AFAP1: variants seen among roughly 807,000 people sequenced by gnomAD.
The protein encoded by AFAP1 is actin filament associated protein 1, also known as actin filament-associated protein 1.
In AFAP1, 75 loss-of-function variants were observed where a neutral mutation model predicts 93.9. The ratio of observed to expected loss-of-function variants is 0.80; its 90% confidence interval spans 0.66 to 0.97. The LOEUF is 0.97. Among genes scored for constraint, AFAP1 ranks in the 50% least tolerant of loss-of-function variants. The pLI is 0.00. For synonymous variants in AFAP1, 517 were observed against 430.7 expected (o/e 1.20, Z -2.48); for missense variants, 1,201 against 1,050.8 (o/e 1.14, Z -1.98).
At chr4:7,799,610 C>T (rs1320154441) in intron 10 of AFAP1, among the ~76,000 whole-genome samples, 1 of 152,022 alleles carries the variant, frequency 6.6e-6, no homozygotes, top group African/African-American at 2.4e-5. Context: ...GACCATCTGG[C>T]GTGTGAATGC....
chr4:7,765,641 G>C (rs946466865), intron 17 of AFAP1, among the ~76,000 whole-genome samples: 1 of 152,228 alleles, frequency 6.6e-6, no homozygotes, highest in East Asian at 1.9e-4. Context: ...AGAAAGAGGA[G>C]GCAAAAGAGC....
chr4:7,929,952 A>G lies in AFAP1; in HGVS notation c.-3+9704T>C, dbSNP rs539082600. Among the ~76,000 whole-genome samples, 30 of 152,284 alleles carry G rather than the reference A, an allele frequency of 2.0e-4. No homozygotes were observed. The South Asian group carries it at 2.7e-3, about 14-fold the overall frequency. ...CCTAGACACACCAAAAATCCTAACA[A>G]ATAAAGAGGCCATGTATGCAGCATG... On this transcript the variant is annotated intron_variant, in intron 1 of 17. Transcript: ENST00000420658.
intron 1 of AFAP1, among the ~76,000 whole-genome samples, chr4:7,920,805 T>G (rs1720399114): frequency 6.6e-6 from 1 of 152,178 alleles, no homozygotes; most frequent in Admixed American, 6.5e-5. Flanking sequence ...GTATATTGTT[T>G]CATAATCTAA....
intron 1 of AFAP1, among the ~76,000 whole-genome samples, chr4:7,899,372 G>A (rs1051171657): frequency 6.6e-6 from 1 of 152,146 alleles, no homozygotes; most frequent in East Asian, 1.9e-4. Flanking sequence ...AACAGTGGCT[G>A]GGTGAATGAC....
chr4:7,770,353 C>T (rs1343572261), intron 16 of AFAP1, among the ~76,000 whole-genome samples: 3 of 152,066 alleles, frequency 2.0e-5, no homozygotes, highest in Admixed American at 6.5e-5. Flanking sequence ...GCACCGGAAC[C>T]GGGGAGTGAG....
At position 7,815,965 on chromosome 4, in the gene AFAP1, GTTT is replaced by G. The variant is rs946880348; in HGVS notation, c.904+50_904+52del. On this transcript the variant is annotated intron_variant, in intron 8 of 17. Coordinates refer to ENST00000420658, the MANE Select transcript of AFAP1 (RefSeq NM_001134647.2). The stretch of plus-strand genomic sequence containing the variant: ...TTTACAAACCTGGCTGTAGATTTTT[GTTT>G]TTGTTTTTTTTTTTAGTGTATATAT... 8.6e-5 allele frequency: 128 copies of G among 1,485,942 alleles called. No individual in the cohort carries two copies. The African/African-American group carries it at 1.3e-3, about 16-fold the overall frequency. 92.0% of individuals were successfully genotyped at this position (1,485,942 alleles called of 1,614,324 possible). A position where few individuals can be genotyped will look rare whatever the true frequency, so the allele number is the denominator to read the frequency against.
At chr4:7,879,843 T>G (rs1376588656) in intron 1 of AFAP1, among the ~76,000 whole-genome samples, 2 of 151,926 alleles carry the variant, frequency 1.3e-5, no homozygotes, top group East Asian at 3.9e-4. Context: ...TTTTTTAAAT[T>G]TTTTGAAGAG....
intron 1 of AFAP1, among the ~76,000 whole-genome samples, chr4:7,889,704 T>TTTA (rs1553852349): frequency 1.4e-4 from 20 of 144,670 alleles, no homozygotes; most frequent in African/African-American, 4.8e-4. Flanking sequence ...TTTTTTTTTT[T>TTTA]AAAAAAAGAA....
At chr4:7,828,297 G>A (rs915038812) in intron 6 of AFAP1, among the ~76,000 whole-genome samples, 5 of 152,206 alleles carry the variant, frequency 3.3e-5, no homozygotes, top group Non-Finnish European at 7.3e-5. Flanking sequence ...ACCAGCACCA[G>A]GACTCTGCTA....
chr4:7,889,593 T>C, intron 1 of AFAP1, among the ~76,000 whole-genome samples: 1 of 147,400 alleles, frequency 6.8e-6, no homozygotes, highest in Non-Finnish European at 1.5e-5. Flanking sequence ...AAAACTAAAG[T>C]TTTTCATATT....
chr4:7,936,713 C>T (rs757212791), intron 1 of AFAP1, among the ~76,000 whole-genome samples: 11 of 151,938 alleles, frequency 7.2e-5, no homozygotes, highest in Non-Finnish European at 1.5e-4. Context: ...TCCCGAGTAG[C>T]TGGGACAACA....
chr4:7,775,869 T>C (rs1391150178), intron 14 of AFAP1: 3 of 152,252 alleles, frequency 2.0e-5, no homozygotes, highest in Non-Finnish European at 1.5e-5. Context: ...ACATAAATGC[T>C]TATTTCATAA....
At chr4:7,916,037 C>T (rs1024342076) in intron 1 of AFAP1, among the ~76,000 whole-genome samples, 1 of 152,114 alleles carries the variant, frequency 6.6e-6, no homozygotes, top group Non-Finnish European at 1.5e-5. Context: ...TCACCAGTCC[C>T]CACCTGCTGG....
intron 6 of AFAP1, among the ~76,000 whole-genome samples, chr4:7,829,494 T>G (rs1721706499): frequency 6.6e-6 from 1 of 152,206 alleles, no homozygotes; most frequent in South Asian, 2.1e-4. Flanking sequence ...TTTGCCTCAG[T>G]CATCTGAGAA....
At chr4:7,801,076 T>G (rs1319085679) in intron 9 of AFAP1, among the ~76,000 whole-genome samples, 2 of 151,944 alleles carry the variant, frequency 1.3e-5, no homozygotes, top group African/African-American at 2.4e-5. Flanking sequence ...ACAAGTAGAG[T>G]AAGAGTCACA....
chr4:7,779,833 G>A (rs10025154), intron 13 of AFAP1, among the ~76,000 whole-genome samples: 22,222 of 152,214 alleles, frequency 0.15, 1,773 homozygotes, highest in African/African-American at 0.2. Flanking sequence ...CTCAGAAAGT[G>A]CAAGGTCTCG....
Position 7,939,192 on chromosome 4 carries a change from C to G in AFAP1, c.-3+464G>C, listed in dbSNP as rs922276742. On this transcript the variant is annotated intron_variant, in intron 1 of 17. Transcript: ENST00000420658. This position sits in a 1 kb window ranked among gnomAD's most constrained non-coding sequence, Gnocchi z 5.6. ...TGCGGGGCCAAGAAAGAGCCCCCATCCAGAGTCACGGACCCCCTCGTCCGA... is the reference window on the plus strand; with the variant it reads ...TGCGGGGCCAAGAAAGAGCCCCCATGCAGAGTCACGGACCCCCTCGTCCGA... 1 of 217,504 alleles carries G rather than the reference C, an allele frequency of 4.6e-6. No homozygotes were observed. Among genetic ancestry groups the G allele is most frequent in the African/African-American group, 2.4e-5 (1 of 41,750 alleles). 13.5% of individuals were successfully genotyped at this position (217,504 alleles called of 1,614,324 possible).
rs973504529 is a variant in AFAP1 at position 7,761,760 on chromosome 4, T to C, written c.*2005A>G. The C allele has an allele frequency of 3.9e-5, 6 of 152,184 alleles. No individual in the cohort carries two copies. The highest frequency in any genetic ancestry group is 8.8e-5 in the Non-Finnish European group (6 of 68,032). The allele number at this position is 152,184 out of a possible 1,614,324, so 9.4% of individuals were successfully genotyped here. On this transcript the variant is annotated 3_prime_UTR_variant, in exon 18 of 18. Transcript: ENST00000420658. The stretch of plus-strand genomic sequence containing the variant: ...TTTTTTCCCTTTATAGAAAATTCAT[T>C]TTGTGTGATATGAAGTGGGCCCAGC...
At chr4:7,811,736 C>T (rs1021072787) in intron 8 of AFAP1, among the ~76,000 whole-genome samples, 4 of 152,194 alleles carry the variant, frequency 2.6e-5, no homozygotes, top group Non-Finnish European at 5.9e-5. Context: ...CCTCGCTAGA[C>T]ACCAACCCTG....
Sources: gnomAD v4.1 joint callset for allele counts (sites outside exome capture counted in the v4.1 genomes callset) on GRCh38, gnomAD v4.1.1 for gene constraint, Gnocchi (gnomAD v3.1) non-coding constraint, MANE v1.5 for transcripts, NCBI Gene and HGNC (gene_info 2026-07-23, HGNC 2026-07-21) for gene names.